DST: variants seen among roughly 807,000 people sequenced by gnomAD.
DST encodes the protein bullous pemphigoid antigen.
In DST, 253 loss-of-function variants were observed where a neutral mutation model predicts 875.2. The observed-to-expected ratio is 0.29, with a 90% confidence interval of 0.26 to 0.32. The LOEUF is 0.32. Among genes scored for constraint, DST ranks in the 10% least tolerant of loss-of-function variants. The pLI is 1.00. For missense variants in DST, 8,287 were observed against 9,111.6 expected (o/e 0.91, Z 3.68); for synonymous variants, 3,124 against 3,197.1 (o/e 0.98, Z 0.77).
At chr6:56,668,205 T>A (rs1382530099) in intron 10 of DST, among the ~76,000 whole-genome samples, 1 of 152,228 alleles carries the variant, frequency 6.6e-6, no homozygotes, top group Non-Finnish European at 1.5e-5. Flanking sequence ...AAGTATAGAA[T>A]GTGTCCAGCT....
At chr6:56,936,827 G>C (rs964413965) in intron 2 of DST, among the ~76,000 whole-genome samples, 1 of 151,752 alleles carries the variant, frequency 6.6e-6, no homozygotes, top group African/African-American at 2.4e-5. Flanking sequence ...TAGATGAAAT[G>C]AACCATTTAG....
chr6:56,659,685 T>G (rs899939921), intron 10 of DST, among the ~76,000 whole-genome samples: 3 of 152,150 alleles, frequency 2.0e-5, no homozygotes, highest in African/African-American at 7.2e-5. Flanking sequence ...GACTTTGGCC[T>G]TGAAGGAAAG....
Position 56,506,563 on chromosome 6 carries a change from A to G in DST, c.19363-19T>C. On this transcript the variant is annotated intron_variant, in intron 76 of 103. Transcript: ENST00000680361. Reference sequence around the variant, plus strand: ...AATTTAACTACAAGATGTATGTTAGAATTCTTTTAGTGCCATATTTTAAAC... The same window carrying G: ...AATTTAACTACAAGATGTATGTTAGGATTCTTTTAGTGCCATATTTTAAAC... 6.2e-7 allele frequency: 1 copy of G among 1,610,124 alleles called. No individual in the cohort carries two copies. The highest frequency in any genetic ancestry group is 1.1e-5 in the South Asian group (1 of 90,636).
At chr6:56,464,296 A>G in intron 100 of DST, 1 of 268,798 alleles carries the variant, frequency 3.7e-6, no homozygotes, top group South Asian at 5.4e-5. Flanking sequence ...TGGATTTTTC[A>G]CTTAAATGAG....
At chr6:56,485,205 A>G (rs563792684) in intron 88 of DST, 107 bp downstream of exon 88, 1 of 1,251,336 alleles carries the variant, frequency 8.0e-7, no homozygotes, top group South Asian at 1.3e-5. Context: ...GTTATGTAGT[A>G]TGATCTATAG....
At chr6:56,813,397 A>AT (rs113354087) in intron 4 of DST, among the ~76,000 whole-genome samples, 14,857 of 151,808 alleles carry the variant, frequency 0.098, 2,476 homozygotes, top group African/African-American at 0.34. Flanking sequence ...TAATAAAAAA[A>AT]AAAATAAAAT....
intron 9 of DST, among the ~76,000 whole-genome samples, chr6:56,672,431 A>G (rs1272359190): frequency 6.6e-6 from 1 of 152,196 alleles, no homozygotes; most frequent in Non-Finnish European, 1.5e-5. Flanking sequence ...CAAACTCCAG[A>G]GCATGGAAAA....
intron 69 of DST, among the ~76,000 whole-genome samples, chr6:56,524,787 A>G (rs906505985): frequency 2.0e-5 from 3 of 152,162 alleles, no homozygotes; most frequent in African/African-American, 7.2e-5. Flanking sequence ...GGATTTTACT[A>G]TATAAATTCT....
intron 3 of DST, among the ~76,000 whole-genome samples, chr6:56,880,134 C>T (rs1180742571): frequency 2.0e-5 from 3 of 152,270 alleles, no homozygotes; most frequent in Middle Eastern, 3.4e-3. Flanking sequence ...TCCTTTTATC[C>T]ATTCTTCACC....
rs1251336363 is a variant in DST at position 56,603,708 on chromosome 6, GGAAAACTAAAAACAA to G, written c.10792-10_10796del. The G allele has an allele frequency of 6.3e-7, 1 of 1,591,694 alleles. No individual in the cohort carries two copies. Among genetic ancestry groups the G allele is most frequent in the African/African-American group, 1.4e-5 (1 of 73,214 alleles). ...GCTGTAAACACTGCTGTAATTCACT[GGAAAACTAAAAACAA>G]AGTTGGACATTTTAATTCAATAACC... On this transcript the variant is annotated splice_acceptor_variant and splice_polypyrimidine_tract_variant and coding_sequence_variant and intron_variant, in exon 41 of 104. Coordinates refer to ENST00000680361, the MANE Select transcript of DST (RefSeq NM_001374736.1). LOFTEE classifies it high-confidence loss of function.
intron 2 of DST, among the ~76,000 whole-genome samples, chr6:56,920,300 A>G (rs563653098): frequency 2.2e-4 from 33 of 152,292 alleles, no homozygotes; most frequent in African/African-American, 7.9e-4. Context: ...CATGAGAAGA[A>G]AGGGGCTATA....
In DST at chr6:56,658,121, G is replaced by A. The variant is rs921631346; in HGVS notation, c.1215-6877C>T. Among the ~76,000 whole-genome samples, 8 of 152,166 alleles carry A rather than the reference G, an allele frequency of 5.3e-5. No homozygotes were observed. In the East Asian group the frequency reaches 1.2e-3, roughly 22 times the overall value. ...CTCTGTCGCCAGGCTGGAGTGCAGT[G>A]GCGCAATCTCGGCTCACTGCAACCC... On this transcript the variant is annotated intron_variant, in intron 10 of 103. Coordinates refer to ENST00000680361, the MANE Select transcript of DST (RefSeq NM_001374736.1).
At chr6:56,729,669 G>C (rs1000287991) in intron 5 of DST, among the ~76,000 whole-genome samples, 1 of 150,926 alleles carries the variant, frequency 6.6e-6, no homozygotes, top group African/African-American at 2.4e-5. Context: ...AATTATTCTC[G>C]ATCACTTTGC....
intron 71 of DST, among the ~76,000 whole-genome samples, chr6:56,516,159 GAGAAAGAGAA>G (rs1415052097): frequency 9.9e-6 from 1 of 101,026 alleles, no homozygotes; most frequent in Non-Finnish European, 2.2e-5. Context: ...AAGAGAAAGA[GAGAAAGAGAA>G]AGAGAAAGAA....
At chr6:56,782,206 C>T (rs947624368) in intron 4 of DST, among the ~76,000 whole-genome samples, 84 of 152,146 alleles carry the variant, frequency 5.5e-4, no homozygotes, top group African/African-American at 1.8e-3. Context: ...TGTCTCTGCC[C>T]GGCTTTGGGA....
intron 61 of DST, among the ~76,000 whole-genome samples, chr6:56,549,445 A>G (rs1434517813): frequency 1.3e-5 from 2 of 152,216 alleles, no homozygotes; most frequent in Admixed American, 1.3e-4. Flanking sequence ...GTTAAAACTA[A>G]TGTTTAACAA....
At chr6:56,880,632 A>T (rs1781648684) in intron 3 of DST, among the ~76,000 whole-genome samples, 1 of 151,304 alleles carries the variant, frequency 6.6e-6, no homozygotes, top group Non-Finnish European at 1.5e-5. Context: ...GGTTGCAGTG[A>T]GCCAAGATCA....
intron 80 of DST, among the ~76,000 whole-genome samples, chr6:56,499,442 T>G (rs2096044635): frequency 6.6e-6 from 1 of 152,144 alleles, no homozygotes; most frequent in South Asian, 2.1e-4. Flanking sequence ...AAAAGTTAAA[T>G]GTTTTCATGG....
At chr6:56,800,984 C>T (rs936576459) in intron 4 of DST, among the ~76,000 whole-genome samples, 1 of 143,738 alleles carries the variant, frequency 7.0e-6, no homozygotes, top group African/African-American at 2.6e-5. Context: ...CACACCAATG[C>T]ACTCCAGCCG....
Sources: allele counts gnomAD v4.1 joint callset (sites outside exome capture counted in the v4.1 genomes callset), GRCh38; gene constraint gnomAD v4.1.1; transcripts MANE v1.5; gene names NCBI Gene and HGNC (gene_info 2026-07-23, HGNC 2026-07-21).